LRRTM4: variants seen among roughly 807,000 people sequenced by gnomAD.
LRRTM4 encodes the protein leucine rich repeat transmembrane neuronal 4, also known as leucine-rich repeat transmembrane neuronal protein 4.
In LRRTM4, 25 loss-of-function variants were observed where a neutral mutation model predicts 47.6. That is an observed-to-expected ratio of 0.53 (90% confidence interval 0.38 to 0.73). The LOEUF (loss-of-function observed/expected upper bound fraction) is 0.73, where lower values mean the gene tolerates loss of function less well. Ranked by LOEUF, LRRTM4 falls within the 30% of genes least tolerant of loss-of-function variation. The probability of loss-of-function intolerance (pLI) is 0.00; values close to 1 mark genes in which losing one functional copy is unlikely to be tolerated. For missense variants in LRRTM4, 638 were observed against 713.4 expected (o/e 0.89, Z 1.20); for synonymous variants, 311 against 269.5 (o/e 1.15, Z -1.51).
chr2:77,408,421 A>C (rs1275067339), intron 3 of LRRTM4, among the ~76,000 whole-genome samples: 1 of 152,216 alleles, frequency 6.6e-6, no homozygotes, highest in Non-Finnish European at 1.5e-5. Flanking sequence ...CATAAATCCC[A>C]ATTTAAAATA....
chr2:77,063,223 G>A lies in LRRTM4; in HGVS notation c.1552-314307C>T, dbSNP rs867968449. Among the ~76,000 whole-genome samples the A allele has an allele frequency of 4.8e-4, 73 of 152,224 alleles. 1 individual carries two copies. Among genetic ancestry groups the A allele is most frequent in the Middle Eastern group, 3.4e-3 (1 of 294 alleles). ...TCCGCCCACCTCGGCCTCCCCAAGT[G>A]CTGGGATTATAGGCGTGAGCCACTG... On this transcript the variant is annotated intron_variant, in intron 3 of 3. Coordinates refer to ENST00000409884, the MANE Select transcript of LRRTM4 (RefSeq NM_001134745.3).
intron 3 of LRRTM4, among the ~76,000 whole-genome samples, chr2:76,954,549 A>G (rs1224444216): frequency 6.6e-6 from 1 of 151,772 alleles, no homozygotes; most frequent in East Asian, 1.9e-4. Context: ...CAAAGGATCT[A>G]AAGTATACCA....
chr2:77,320,640 T>C (rs1391327774), intron 3 of LRRTM4, among the ~76,000 whole-genome samples: 10 of 152,074 alleles, frequency 6.6e-5, no homozygotes, highest in Admixed American at 5.9e-4. Flanking sequence ...AAATAAAATA[T>C]GGTAAGAACA....
At chr2:77,500,780 T>C (rs1678544034) in intron 3 of LRRTM4, among the ~76,000 whole-genome samples, 1 of 151,532 alleles carries the variant, frequency 6.6e-6, no homozygotes. Context: ...ATTCTAAAGT[T>C]CATCTCAATA....
chr2:77,381,365 T>C (rs1386405237), intron 3 of LRRTM4, among the ~76,000 whole-genome samples: 1 of 152,050 alleles, frequency 6.6e-6, no homozygotes, highest in African/African-American at 2.4e-5. Flanking sequence ...TTTAAATCTC[T>C]TGTATAGATG....
intron 3 of LRRTM4, among the ~76,000 whole-genome samples, chr2:76,841,248 G>A (rs1166522605): frequency 6.6e-6 from 1 of 151,082 alleles, no homozygotes; most frequent in Admixed American, 6.6e-5. Context: ...ACACAGGAAG[G>A]GGAACATCAC....
intron 3 of LRRTM4, among the ~76,000 whole-genome samples, chr2:77,129,537 T>C (rs1671740683): frequency 6.6e-6 from 1 of 152,214 alleles, no homozygotes; most frequent in South Asian, 2.1e-4. Context: ...CTTCATTTCA[T>C]CCTCATCAGT....
intron 3 of LRRTM4, among the ~76,000 whole-genome samples, chr2:77,136,380 C>A (rs1260248746): frequency 2.0e-5 from 3 of 152,182 alleles, no homozygotes; most frequent in Non-Finnish European, 4.4e-5. Flanking sequence ...CTGGAGTGGA[C>A]CTCCAGCAAA....
At chr2:77,052,587 C>G (rs192797414) in intron 3 of LRRTM4, among the ~76,000 whole-genome samples, 1 of 151,398 alleles carries the variant, frequency 6.6e-6, no homozygotes, top group East Asian at 1.9e-4. Flanking sequence ...TTTTTTTTTA[C>G]TGATCTGAAG....
chr2:77,425,708 C>A (rs1242905659), intron 3 of LRRTM4, among the ~76,000 whole-genome samples: 1 of 152,208 alleles, frequency 6.6e-6, no homozygotes, highest in Non-Finnish European at 1.5e-5. Context: ...GCCTCCTTGA[C>A]AAAGTCTTTT....
chr2:77,434,165 G>A (rs1675496599), intron 3 of LRRTM4, among the ~76,000 whole-genome samples: 2 of 151,952 alleles, frequency 1.3e-5, no homozygotes, highest in South Asian at 4.1e-4. Context: ...TCTTAAAGCT[G>A]TAGAGAGTGA....
chr2:76,981,497 GCTTT>G (rs1194020888), intron 3 of LRRTM4, among the ~76,000 whole-genome samples: 1 of 151,982 alleles, frequency 6.6e-6, no homozygotes, highest in Non-Finnish European at 1.5e-5. Flanking sequence ...TATAATGTAA[GCTTT>G]CTGTTTTGTT....
intron 3 of LRRTM4, among the ~76,000 whole-genome samples, chr2:77,380,400 A>G (rs1221772384): frequency 6.6e-6 from 1 of 152,162 alleles, no homozygotes; most frequent in East Asian, 1.9e-4. Context: ...TCAGCTTCCA[A>G]AAATTTTTCA....
intron 3 of LRRTM4, among the ~76,000 whole-genome samples, chr2:77,073,847 T>C (rs1182713556): frequency 6.6e-6 from 1 of 152,048 alleles, no homozygotes; most frequent in Non-Finnish European, 1.5e-5. Flanking sequence ...TTCAGCCAAG[T>C]ATTTTTTTTC....
At chr2:76,759,760 C>G (rs1673184716) in intron 3 of LRRTM4, among the ~76,000 whole-genome samples, 1 of 152,024 alleles carries the variant, frequency 6.6e-6, no homozygotes, top group Non-Finnish European at 1.5e-5. Flanking sequence ...TCCTTCCCCT[C>G]CAACCCCATT....
At chr2:77,501,895 AG>A (rs1157325427) in intron 3 of LRRTM4, among the ~76,000 whole-genome samples, 2 of 151,460 alleles carry the variant, frequency 1.3e-5, no homozygotes, top group Non-Finnish European at 3.0e-5. Flanking sequence ...GAATATTAAT[AG>A]AACAATAAAA....
intron 3 of LRRTM4, among the ~76,000 whole-genome samples, chr2:76,897,267 T>A (rs1673453939): frequency 6.6e-6 from 1 of 152,106 alleles, no homozygotes; most frequent in Admixed American, 6.6e-5. Context: ...CTCTGGAAAT[T>A]AAACTCCTGA....
intron 3 of LRRTM4, among the ~76,000 whole-genome samples, chr2:77,234,086 C>T (rs1375416458): frequency 1.1e-4 from 17 of 152,142 alleles, no homozygotes; most frequent in Non-Finnish European, 2.9e-5. Context: ...CTCACACTGA[C>T]TTATTTCTTA....
At chr2:77,056,894 C>T (rs1289420529) in intron 3 of LRRTM4, among the ~76,000 whole-genome samples, 1 of 152,052 alleles carries the variant, frequency 6.6e-6, no homozygotes, top group Non-Finnish European at 1.5e-5. Flanking sequence ...TGCTTATAGC[C>T]CAAGATTTTT....
Sources: allele counts gnomAD v4.1 joint callset (sites outside exome capture counted in the v4.1 genomes callset), GRCh38; gene constraint gnomAD v4.1.1; transcripts MANE v1.5; gene names NCBI Gene and HGNC (gene_info 2026-07-23, HGNC 2026-07-21).